Variants in CA8 observed in about 807,000 individuals in gnomAD.
CA8 encodes the protein carbonic anhydrase-related protein.
Under a neutral mutation model 41.4 loss-of-function variants are expected in CA8, and 22 were observed. The observed-to-expected ratio is 0.53, with a 90% CI of 0.38 to 0.76. CA8 has a LOEUF of 0.76. Among genes scored for constraint, CA8 ranks in the 30% least tolerant of loss-of-function variants. The probability of loss-of-function intolerance (pLI) is 0.00; values close to 1 mark genes in which losing one functional copy is unlikely to be tolerated. For synonymous variants in CA8, 121 were observed against 130.6 expected (o/e 0.93, Z 0.50); for missense variants, 270 against 352.8 (o/e 0.77, Z 1.88).
At chr8:60,206,699 A>G (rs1806596618) in intron 8 of CA8, among the ~76,000 whole-genome samples, 2 of 152,018 alleles carry the variant, frequency 1.3e-5, no homozygotes, top group Non-Finnish European at 2.9e-5. Context: ...AGAGCAAGTC[A>G]TGGGTACACA....
At position 60,185,550 on chromosome 8, in the gene CA8, G is replaced by A. The variant is rs1805940487; in HGVS notation, c.*4471C>T. Among the ~76,000 whole-genome samples the A allele has an allele frequency of 6.6e-6, 1 of 152,064 alleles. No homozygotes were observed. The highest frequency in any genetic ancestry group is 2.4e-5 in the African/African-American group (1 of 41,410). On this transcript the variant is annotated 3_prime_UTR_variant, in exon 9 of 9. Coordinates refer to ENST00000317995, the MANE Select transcript of CA8 (RefSeq NM_004056.6). ...CATCATAGTACGAAATCTGGGGCAG[G>A]GGGGAAACCATTTGTTTTTGAAAGC... is the stretch of plus-strand genomic sequence containing the variant.
At chr8:60,229,416 C>A (rs1007677565) in intron 4 of CA8, among the ~76,000 whole-genome samples, 9 of 152,160 alleles carry the variant, frequency 5.9e-5, no homozygotes, top group Non-Finnish European at 1.3e-4. Flanking sequence ...CCCACGTGCT[C>A]AAGCCATCCT....
intron 3 of CA8, among the ~76,000 whole-genome samples, chr8:60,263,898 A>G (rs1170914893): frequency 1.3e-5 from 2 of 152,252 alleles, no homozygotes; most frequent in Non-Finnish European, 2.9e-5. Context: ...CTAAGTGAAC[A>G]CTGGATGACT....
intron 3 of CA8, among the ~76,000 whole-genome samples, chr8:60,253,397 T>C (rs981843056): frequency 4.6e-5 from 7 of 152,092 alleles, no homozygotes; most frequent in African/African-American, 1.4e-4. Context: ...TTCATTCCAA[T>C]AATATTCCAT....
rs917662295 is a variant in CA8 at position 60,280,001 on chromosome 8, T to C, written c.101-121A>G. On this transcript the variant is annotated intron_variant, in intron 1 of 8. Coordinates refer to ENST00000317995, the MANE Select transcript of CA8 (RefSeq NM_004056.6). ...ATGAAGAGAGTAATGATACCATCACTATACAGATGAAATATGGTAATTCTA... is the reference window on the plus strand; with the variant it reads ...ATGAAGAGAGTAATGATACCATCACCATACAGATGAAATATGGTAATTCTA... 8.5e-6 allele frequency: 6 copies of C among 709,298 alleles called. 1 individual carries two copies. In the South Asian group the frequency reaches 1.1e-4, roughly 13 times the overall value. 43.9% of individuals were successfully genotyped at this position (709,298 alleles called of 1,614,324 possible).
chr8:60,280,961 G>A, intron 1 of CA8, 87 bp downstream of exon 1: 1 of 935,050 alleles, frequency 1.1e-6, no homozygotes, highest in Non-Finnish European at 1.7e-6. Flanking sequence ...CTCGGAGCGC[G>A]CAGCGGCAGC....
At chr8:60,227,206 G>T (rs111578394) in intron 4 of CA8, among the ~76,000 whole-genome samples, 3,630 of 151,980 alleles carry the variant, frequency 0.024, 167 homozygotes, top group African/African-American at 0.082. Flanking sequence ...AAGAAGAATC[G>T]CTTGAACCCA....
intron 7 of CA8, among the ~76,000 whole-genome samples, chr8:60,213,240 T>G (rs919653561): frequency 6.6e-6 from 1 of 152,220 alleles, no homozygotes; most frequent in Non-Finnish European, 1.5e-5. Context: ...ATTCACTCCC[T>G]GGTAACACCG....
intron 8 of CA8, among the ~76,000 whole-genome samples, chr8:60,202,414 G>A (rs568728382): frequency 9.9e-5 from 15 of 152,132 alleles, no homozygotes; most frequent in Admixed American, 7.9e-4. Context: ...GAGTTGTTCT[G>A]AGGTGAAATG....
In CA8 at chr8:60,189,546, T is replaced by C. The variant is rs1806054571; in HGVS notation, c.*475A>G. The C allele has an allele frequency of 6.6e-6, 1 of 152,182 alleles. No homozygotes were observed. The highest frequency in any genetic ancestry group is 2.4e-5 in the African/African-American group (1 of 41,466). 9.4% of individuals were successfully genotyped at this position (152,182 alleles called of 1,614,324 possible). On this transcript the variant is annotated 3_prime_UTR_variant, in exon 9 of 9. Coordinates refer to ENST00000317995, the MANE Select transcript of CA8 (RefSeq NM_004056.6). The stretch of plus-strand genomic sequence containing the variant: ...CACTTTGCATTTTGAAGCTCTATGC[T>C]GTTCTTAATCAAAACTCTTATTTTA...
chr8:60,248,922 CCT>C (rs1478123623), intron 3 of CA8, among the ~76,000 whole-genome samples: 1 of 152,062 alleles, frequency 6.6e-6, no homozygotes, highest in Non-Finnish European at 1.5e-5. Context: ...TTGTTTGTAT[CCT>C]CTCTTATTTC....
intron 3 of CA8, among the ~76,000 whole-genome samples, chr8:60,234,912 C>T (rs1041613389): frequency 2.0e-5 from 3 of 152,192 alleles, no homozygotes; most frequent in African/African-American, 7.2e-5. Flanking sequence ...CTTTCTACAC[C>T]AGTAGAGGTT....
chr8:60,255,529 A>G (rs1345816193), intron 3 of CA8, among the ~76,000 whole-genome samples: 1 of 152,222 alleles, frequency 6.6e-6, no homozygotes, highest in Non-Finnish European at 1.5e-5. Flanking sequence ...GTTCCACTGA[A>G]TAAACTCTCA....
At chr8:60,245,335 G>T (rs1460238100) in intron 3 of CA8, among the ~76,000 whole-genome samples, 2 of 151,654 alleles carry the variant, frequency 1.3e-5, no homozygotes, top group Non-Finnish European at 2.9e-5. Context: ...AAATGAAACT[G>T]CCCTAATCTG....
chr8:60,198,428 G>GA, intron 8 of CA8, among the ~76,000 whole-genome samples: 1 of 152,264 alleles, frequency 6.6e-6, no homozygotes, highest in South Asian at 2.1e-4. Flanking sequence ...ATAGAAGTTG[G>GA]TAATATTATA....
Position 60,189,263 on chromosome 8 carries a change from G to A in CA8, c.*758C>T, listed in dbSNP as rs916655804. Reference sequence around the variant, plus strand: ...TGTATGGAAAGTAAAGCTATTCCTGGTACATGGTGCTGACCTTCTTTTTAT... The same window carrying A: ...TGTATGGAAAGTAAAGCTATTCCTGATACATGGTGCTGACCTTCTTTTTAT... On this transcript the variant is annotated 3_prime_UTR_variant, in exon 9 of 9. Transcript: ENST00000317995. 2 of 152,054 alleles carry A rather than the reference G, an allele frequency of 1.3e-5. No homozygotes were observed. The highest frequency in any genetic ancestry group is 2.4e-5 in the African/African-American group (1 of 41,408). The allele number at this position is 152,054 out of a possible 1,614,324, so 9.4% of individuals were successfully genotyped here.
intron 8 of CA8, 109 bp downstream of exon 8, chr8:60,208,641 A>G: frequency 1.1e-6 from 1 of 912,208 alleles, no homozygotes; most frequent in Non-Finnish European, 1.8e-6. Context: ...ATCAAGATGA[A>G]GTACATACGC....
intron 3 of CA8, among the ~76,000 whole-genome samples, chr8:60,233,332 TATC>T (rs1438748142): frequency 6.6e-6 from 1 of 152,210 alleles, no homozygotes; most frequent in Non-Finnish European, 1.5e-5. Context: ...TCAGGAAAAT[TATC>T]ATAAGGATGG....
At position 60,205,019 on chromosome 8, in the gene CA8, T is replaced by C. The variant is rs1050163981; in HGVS notation, c.*35+3731A>G. Among the ~76,000 whole-genome samples, 4 of 152,184 alleles carry C rather than the reference T, an allele frequency of 2.6e-5. No homozygotes were observed. The South Asian group carries it at 8.3e-4, about 31-fold the overall frequency. ...TTTATTAAAGCTAAGAAGACAATAT[T>C]ATTAACCGCAAAAGTACAAGTAGGG... On this transcript the variant is annotated intron_variant, in intron 8 of 8. Coordinates refer to ENST00000317995, the MANE Select transcript of CA8 (RefSeq NM_004056.6).
Sources: allele counts gnomAD v4.1 joint callset (sites outside exome capture counted in the v4.1 genomes callset), GRCh38; gene constraint gnomAD v4.1.1; transcripts MANE v1.5; gene names NCBI Gene and HGNC (gene_info 2026-07-23, HGNC 2026-07-21).